The following ITGA8 variants were observed in gnomAD, a reference collection of about 807,000 sequenced individuals.
ITGA8 encodes the protein integrin subunit alpha 8.
In ITGA8, 91 loss-of-function variants were observed where a neutral mutation model predicts 142.3. The ratio of observed to expected loss-of-function variants is 0.64; its 90% CI spans 0.54 to 0.76. ITGA8 has a LOEUF of 0.76. Ranked by LOEUF, ITGA8 falls within the 30% of genes least tolerant of loss-of-function variation. The pLI, the probability that ITGA8 is intolerant of heterozygous loss-of-function variation, is 0.00. For missense variants in ITGA8, 1,406 were observed against 1,327.7 expected (o/e 1.06, Z -0.92); for synonymous variants, 505 against 485.2 (o/e 1.04, Z -0.54).
chr10:15,697,339 T>C (rs1026201576), intron 2 of ITGA8, among the ~76,000 whole-genome samples: 7 of 152,178 alleles, frequency 4.6e-5, no homozygotes, highest in Admixed American at 1.3e-4. Context: ...GAATCAATAA[T>C]TGTGAAGAAT....
intron 10 of ITGA8, among the ~76,000 whole-genome samples, chr10:15,656,636 T>C (rs2131666659): frequency 6.6e-6 from 1 of 152,300 alleles, no homozygotes; most frequent in East Asian, 1.9e-4. Flanking sequence ...GTGCTGGGAT[T>C]ACAGGTGTGA....
intron 25 of ITGA8, among the ~76,000 whole-genome samples, chr10:15,565,521 C>A (rs1189057896): frequency 1.4e-5 from 2 of 140,704 alleles, no homozygotes; most frequent in African/African-American, 5.3e-5. Context: ...ACAAAGAAAT[C>A]AGGAGTTAAT....
At chr10:15,668,755 A>G (rs983063466) in intron 8 of ITGA8, among the ~76,000 whole-genome samples, 11 of 152,058 alleles carry the variant, frequency 7.2e-5, no homozygotes, top group Admixed American at 5.2e-4. Flanking sequence ...TCTGTAAAGT[A>G]TTTTATTTCT....
At chr10:15,579,727 C>G (rs546346135) in intron 23 of ITGA8, among the ~76,000 whole-genome samples, 1 of 151,776 alleles carries the variant, frequency 6.6e-6, no homozygotes, top group African/African-American at 2.4e-5. Flanking sequence ...AATAAAACAT[C>G]GAGATTAGCT....
intron 2 of ITGA8, among the ~76,000 whole-genome samples, chr10:15,699,592 G>C (rs533890806): frequency 6.6e-6 from 1 of 152,046 alleles, no homozygotes; most frequent in African/African-American, 2.4e-5. Context: ...AACATTTGTG[G>C]GTTTTTTTCC....
chr10:15,585,225 G>T (rs1832802058), intron 23 of ITGA8, among the ~76,000 whole-genome samples: 1 of 152,190 alleles, frequency 6.6e-6, no homozygotes, highest in African/African-American at 2.4e-5. Context: ...TCCCAGGCAG[G>T]ATAGCATGAT....
At chr10:15,584,934 A>G (rs1323267157) in intron 23 of ITGA8, among the ~76,000 whole-genome samples, 2 of 152,110 alleles carry the variant, frequency 1.3e-5, no homozygotes, top group Non-Finnish European at 2.9e-5. Context: ...CATGCCTGTA[A>G]TCCCAGCTAC....
At chr10:15,617,667 G>A (rs1383003294) in intron 13 of ITGA8, among the ~76,000 whole-genome samples, 1 of 152,146 alleles carries the variant, frequency 6.6e-6, no homozygotes, top group Admixed American at 6.5e-5. Flanking sequence ...CCAAAGTGCT[G>A]GGATTACAGG....
intron 20 of ITGA8, among the ~76,000 whole-genome samples, chr10:15,603,161 AAAAC>A (rs1372124959): frequency 1.3e-5 from 2 of 152,134 alleles, no homozygotes; most frequent in African/African-American, 4.8e-5. Flanking sequence ...TCGTTCAACT[AAAAC>A]AAACAAAAAT....
chr10:15,630,548 G>T (rs1257370258), intron 13 of ITGA8, among the ~76,000 whole-genome samples: 1 of 151,904 alleles, frequency 6.6e-6, no homozygotes, highest in Non-Finnish European at 1.5e-5. Context: ...TTCAGGGGAA[G>T]GACAACAGTT....
rs114487853 is a variant in ITGA8, at chr10:15,584,188, T to C, written c.2372+2396A>G. 2.7e-3 allele frequency among the ~76,000 whole-genome samples: 405 copies of C among 152,128 alleles called. 6 individuals are homozygous for C. The highest frequency in any genetic ancestry group is 9.5e-3 in the African/African-American group (394 of 41,476). On this transcript the variant is annotated intron_variant, in intron 23 of 29. Coordinates refer to ENST00000378076, the MANE Select transcript of ITGA8 (RefSeq NM_003638.3). ...AGCAGGTGCCTGTAATCTCAGCCAC[T>C]TGGGAGGCTGAGGTAGGAGAATCAC... is the stretch of plus-strand genomic sequence containing the variant.
intron 20 of ITGA8, among the ~76,000 whole-genome samples, chr10:15,598,985 A>C (rs769525989): frequency 1.3e-5 from 2 of 152,204 alleles, no homozygotes; most frequent in Non-Finnish European, 1.5e-5. Flanking sequence ...TGGGATTATT[A>C]ACTCAGTCAT....
chr10:15,698,015 C>A (rs1157489470), intron 2 of ITGA8, among the ~76,000 whole-genome samples: 1 of 152,208 alleles, frequency 6.6e-6, no homozygotes, highest in Non-Finnish European at 1.5e-5. Flanking sequence ...ATCACCCAAG[C>A]AGCGTACACT....
intron 21 of ITGA8, among the ~76,000 whole-genome samples, chr10:15,594,423 A>G (rs921676568): frequency 6.6e-6 from 1 of 152,104 alleles, no homozygotes; most frequent in Non-Finnish European, 1.5e-5. Context: ...TGAAGGTTGT[A>G]TGTTTTTATC....
intron 4 of ITGA8, among the ~76,000 whole-genome samples, chr10:15,680,216 C>CTTT (rs71374638): frequency 8.5e-4 from 46 of 54,276 alleles, no homozygotes; most frequent in African/African-American, 3.3e-3. Context: ...CCAGATGCTC[C>CTTT]TTTTTTTTTT....
chr10:15,653,804 C>T (rs1834131935), intron 11 of ITGA8, among the ~76,000 whole-genome samples: 1 of 149,786 alleles, frequency 6.7e-6, no homozygotes, highest in African/African-American at 2.5e-5. Flanking sequence ...GTTAAAGTTC[C>T]TTTGTGTGTT....
chr10:15,531,918 C>T (rs750579341), intron 27 of ITGA8, among the ~76,000 whole-genome samples: 4 of 151,914 alleles, frequency 2.6e-5, no homozygotes, highest in African/African-American at 4.8e-5. Flanking sequence ...GCGCTCCGAC[C>T]TGGGCAACAG....
chr10:15,563,333 G>A (rs573123188), intron 25 of ITGA8, among the ~76,000 whole-genome samples: 36 of 152,304 alleles, frequency 2.4e-4, no homozygotes, highest in African/African-American at 8.2e-4. Flanking sequence ...CAGATAAAAA[G>A]TGAGCTTAGA....
At chr10:15,670,018 G>T (rs1834480409) in intron 8 of ITGA8, among the ~76,000 whole-genome samples, 2 of 152,136 alleles carry the variant, frequency 1.3e-5, no homozygotes, top group African/African-American at 2.4e-5. Flanking sequence ...CGTGCTGGGA[G>T]AACCACTACT....
Sources: allele counts gnomAD v4.1 joint callset (sites outside exome capture counted in the v4.1 genomes callset), GRCh38; gene constraint gnomAD v4.1.1; transcripts MANE v1.5; gene names NCBI Gene and HGNC (gene_info 2026-07-23, HGNC 2026-07-21).